The following SLC25A12 variants were observed in gnomAD, a reference collection of about 807,000 sequenced individuals.
SLC25A12 encodes the protein solute carrier family 25 member 12.
A neutral mutation model predicts 83.3 loss-of-function variants in SLC25A12; 32 were observed. That is an observed-to-expected ratio of 0.38 (90% CI 0.29 to 0.52). The LOEUF is 0.52. Among genes scored for constraint, SLC25A12 ranks in the 20% least tolerant of loss-of-function variants. The probability of loss-of-function intolerance (pLI) is 0.84; values close to 1 mark genes in which losing one functional copy is unlikely to be tolerated. For missense variants in SLC25A12, 611 were observed against 835.6 expected (o/e 0.73, Z 3.31); for synonymous variants, 267 against 291.1 (o/e 0.92, Z 0.84).
At chr2:171,835,538 C>A (rs3770449) in intron 6 of SLC25A12, among the ~76,000 whole-genome samples, 1 of 152,070 alleles carries the variant, frequency 6.6e-6, no homozygotes, top group Non-Finnish European at 1.5e-5. Context: ...GGCAACGTGG[C>A]CTTCATTACC....
chr2:171,889,826 C>A (rs901609621), intron 2 of SLC25A12, among the ~76,000 whole-genome samples: 1 of 151,716 alleles, frequency 6.6e-6, no homozygotes, highest in South Asian at 2.1e-4. Context: ...CATAGTCTGA[C>A]ATTAATTTAA....
In SLC25A12 at chr2:171,893,345, T is replaced by G. The variant is rs1409144711; in HGVS notation, c.13-87A>C. 2.8e-6 allele frequency: 3 copies of G among 1,077,610 alleles called. No individual in the cohort carries two copies. The African/African-American group carries it at 4.7e-5, about 17-fold the overall frequency. 66.8% of individuals were successfully genotyped at this position (1,077,610 alleles called of 1,614,324 possible). A position where few individuals can be genotyped will look rare whatever the true frequency, so the allele number is the denominator to read the frequency against. ...AGATTAGAGGTCACATGGCTAACAA[T>G]CAATGCTCCTATCTTTTATCATTTA... On this transcript the variant is annotated intron_variant, in intron 1 of 17. Transcript: ENST00000422440.
rs115449704 is a variant in SLC25A12 at position 171,827,571 on chromosome 2, C to A, written c.846-689G>T. ...AGTCTTCATTTATATAGGGTGTAAC[C>A]GATAGGAAACCTCTAATGGGTACTT... On this transcript the variant is annotated intron_variant, in intron 8 of 17. Coordinates refer to ENST00000422440, the MANE Select transcript of SLC25A12 (RefSeq NM_003705.5). 7.8e-3 allele frequency among the ~76,000 whole-genome samples: 1,186 copies of A among 152,268 alleles called. 19 individuals carry two copies. Among genetic ancestry groups the A allele is most frequent in the African/African-American group, 0.028 (1,144 of 41,556 alleles).
At chr2:171,866,134 T>G (rs1239666665) in intron 3 of SLC25A12, among the ~76,000 whole-genome samples, 2 of 134,636 alleles carry the variant, frequency 1.5e-5, no homozygotes, top group African/African-American at 2.8e-5. Flanking sequence ...ACACAGCACA[T>G]GTTTCAGAGA....
chr2:171,828,105 G>A (rs1174213703), intron 8 of SLC25A12, among the ~76,000 whole-genome samples: 1 of 152,208 alleles, frequency 6.6e-6, no homozygotes, highest in Non-Finnish European at 1.5e-5. Context: ...GTTTGGGTGA[G>A]GGACCTGAGT....
chr2:171,852,434 T>A (rs1052483954), intron 4 of SLC25A12, among the ~76,000 whole-genome samples: 3 of 152,242 alleles, frequency 2.0e-5, no homozygotes, highest in Non-Finnish European at 4.4e-5. Context: ...GCTGATAGCA[T>A]AACAGGTTTT....
intron 15 of SLC25A12, among the ~76,000 whole-genome samples, chr2:171,790,463 A>T (rs1474946900): frequency 6.6e-6 from 1 of 152,182 alleles, no homozygotes. Flanking sequence ...GGTCAGAAGG[A>T]AGCATCTTAG....
chr2:171,802,358 A>T (rs777235013), intron 13 of SLC25A12, among the ~76,000 whole-genome samples: 10 of 152,198 alleles, frequency 6.6e-5, no homozygotes, highest in Non-Finnish European at 1.3e-4. Context: ...CAAACAAATA[A>T]ACAAAAAACA....
At chr2:171,847,333 G>A (rs964460644) in intron 4 of SLC25A12, among the ~76,000 whole-genome samples, 14 of 152,100 alleles carry the variant, frequency 9.2e-5, no homozygotes, top group Non-Finnish European at 1.5e-5. Context: ...TTCATAAATT[G>A]CCACTTTACT....
chr2:171,866,736 C>T (rs1229213898), intron 3 of SLC25A12, among the ~76,000 whole-genome samples: 2 of 141,708 alleles, frequency 1.4e-5, no homozygotes, highest in African/African-American at 2.6e-5. Flanking sequence ...CCTCACCTCC[C>T]GGATGGGGCG....
At chr2:171,866,640 A>AC (rs1685320159) in intron 3 of SLC25A12, among the ~76,000 whole-genome samples, 1 of 89,830 alleles carries the variant, frequency 1.1e-5, no homozygotes, top group African/African-American at 4.7e-5. Flanking sequence ...CGGGGGGCTG[A>AC]CCCCCCCACC....
chr2:171,789,373 A>T (rs534100468), intron 15 of SLC25A12, among the ~76,000 whole-genome samples: 19 of 151,950 alleles, frequency 1.3e-4, no homozygotes, highest in African/African-American at 3.1e-4. Flanking sequence ...GGACTACAGA[A>T]GCCCGCCACC....
chr2:171,817,977 C>T (rs2105868291), intron 9 of SLC25A12, among the ~76,000 whole-genome samples: 1 of 152,248 alleles, frequency 6.6e-6, no homozygotes, highest in East Asian at 1.9e-4. Context: ...TACCCAAATG[C>T]CTTTTGACAG....
At chr2:171,822,565 T>G (rs1394848179) in intron 9 of SLC25A12, among the ~76,000 whole-genome samples, 1 of 152,142 alleles carries the variant, frequency 6.6e-6, no homozygotes, top group Non-Finnish European at 1.5e-5. Context: ...TTGTATGTTT[T>G]TTTAGAGACA....
At chr2:171,867,505 C>T (rs920903712) in intron 3 of SLC25A12, among the ~76,000 whole-genome samples, 8 of 150,716 alleles carry the variant, frequency 5.3e-5, no homozygotes, top group Middle Eastern at 3.4e-3. Context: ...TGGCGGCGTG[C>T]GCCTGCAATC....
At chr2:171,891,162 C>T (rs372844943) in intron 2 of SLC25A12, among the ~76,000 whole-genome samples, 4 of 152,054 alleles carry the variant, frequency 2.6e-5, no homozygotes, top group African/African-American at 7.2e-5. Context: ...AAAAATTAGC[C>T]GGGTGTGGTG....
intron 13 of SLC25A12, among the ~76,000 whole-genome samples, chr2:171,794,526 G>A (rs1247378233): frequency 6.6e-6 from 1 of 151,650 alleles, no homozygotes; most frequent in Non-Finnish European, 1.5e-5. Flanking sequence ...CCTGTGGTGA[G>A]TGACAGAGAT....
chr2:171,837,877 C>T (rs543992882), intron 5 of SLC25A12, among the ~76,000 whole-genome samples: 56 of 152,322 alleles, frequency 3.7e-4, no homozygotes, highest in African/African-American at 1.3e-3. Flanking sequence ...GTTCAGCTAT[C>T]ACTGGCTCTG....
chr2:171,793,438 C>A (rs1683531039), intron 14 of SLC25A12, among the ~76,000 whole-genome samples, 189 bp downstream of exon 14: 1 of 152,128 alleles, frequency 6.6e-6, no homozygotes, highest in Non-Finnish European at 1.5e-5. Flanking sequence ...AGCCTGATGA[C>A]AACAGGAGAG....
Sources: allele counts gnomAD v4.1 joint callset (sites outside exome capture counted in the v4.1 genomes callset), GRCh38; gene constraint gnomAD v4.1.1; transcripts MANE v1.5; gene names NCBI Gene and HGNC (gene_info 2026-07-23, HGNC 2026-07-21).